The following PGCKA1 variants were observed in gnomAD, a reference collection of about 807,000 sequenced individuals.
PGCKA1 encodes the protein PDCD10 and GCKIII kinases associated 1, also known as PDCD10 and GCKIII kinases-associated protein 1.
the PGCKA1 span, among the ~76,000 whole-genome samples, chr4:37,535,833 G>T: frequency 6.6e-6 from 1 of 152,118 alleles, no homozygotes; most frequent in African/African-American, 2.4e-5. Context: ...GTGTTTCCTG[G>T]GCCTTTGGGC....
At chr4:37,481,347 C>A in the PGCKA1 span, among the ~76,000 whole-genome samples, 1 of 151,768 alleles carries the variant, frequency 6.6e-6, no homozygotes, top group African/African-American at 2.4e-5. Context: ...CACCTGTAGT[C>A]CCAGCTACTT....
At chr4:37,463,942 C>A in the PGCKA1 span, among the ~76,000 whole-genome samples, 1 of 151,988 alleles carries the variant, frequency 6.6e-6, no homozygotes, top group African/African-American at 2.4e-5. Context: ...CTCAAGAATC[C>A]ACGGCTGGAG....
chr4:37,590,412 CA>C, the PGCKA1 span: 10 of 1,613,384 alleles, frequency 6.2e-6, no homozygotes, highest in Non-Finnish European at 7.6e-6. Flanking sequence ...CCCAGGATGA[CA>C]GGGGCTCCTG....
At chr4:37,592,314 G>A in the PGCKA1 span, among the ~76,000 whole-genome samples, 2 of 138,734 alleles carry the variant, frequency 1.4e-5, no homozygotes, top group African/African-American at 2.7e-5. Context: ...CCAGGAATTC[G>A]AGACCAACCT....
At chr4:37,524,488 A>G in the PGCKA1 span, among the ~76,000 whole-genome samples, 11 of 152,208 alleles carry the variant, frequency 7.2e-5, no homozygotes, top group Non-Finnish European at 1.6e-4. Flanking sequence ...GGCTTCCCCC[A>G]GGGGGAGCAA....
chr4:37,576,836 A>G, the PGCKA1 span, among the ~76,000 whole-genome samples: 4 of 152,022 alleles, frequency 2.6e-5, no homozygotes, highest in East Asian at 3.9e-4. Context: ...TGAAATGATC[A>G]TATGGTTTTT....
chr4:37,464,412 G>C, the PGCKA1 span, among the ~76,000 whole-genome samples: 2 of 152,162 alleles, frequency 1.3e-5, no homozygotes, highest in African/African-American at 4.8e-5. Flanking sequence ...CTGGATTTCA[G>C]TTTTCTCATC....
chr4:37,580,366 GAAC>G, the PGCKA1 span, among the ~76,000 whole-genome samples: 1 of 139,568 alleles, frequency 7.2e-6, no homozygotes, highest in Admixed American at 7.5e-5. Context: ...TCTGGGCATT[GAAC>G]AATTAGGTAT....
the PGCKA1 span, among the ~76,000 whole-genome samples, chr4:37,517,883 A>G: frequency 6.6e-6 from 1 of 152,268 alleles, no homozygotes; most frequent in African/African-American, 2.4e-5. Context: ...ACCCATTAAC[A>G]ATCCCCATCT....
At chr4:37,474,909 G>A in the PGCKA1 span, among the ~76,000 whole-genome samples, 1 of 152,118 alleles carries the variant, frequency 6.6e-6, no homozygotes, top group Non-Finnish European at 1.5e-5. Context: ...TGGCATGTAT[G>A]CAAAAACTCA....
the PGCKA1 span, among the ~76,000 whole-genome samples, chr4:37,530,389 T>G: frequency 6.6e-6 from 1 of 151,870 alleles, no homozygotes; most frequent in South Asian, 2.1e-4. Flanking sequence ...CTGGCCAACA[T>G]GGTGAAACCC....
the PGCKA1 span, among the ~76,000 whole-genome samples, chr4:37,516,185 AGG>A: frequency 1.0e-3 from 158 of 152,364 alleles, 1 homozygote; most frequent in African/African-American, 3.3e-3. Context: ...TAAAGGCTAA[AGG>A]AAGAGTGATC....
the PGCKA1 span, among the ~76,000 whole-genome samples, chr4:37,535,783 T>C: frequency 1.3e-5 from 2 of 152,214 alleles, no homozygotes; most frequent in East Asian, 3.8e-4. Flanking sequence ...GCGATGTTGC[T>C]GGGTCCACAG....
the PGCKA1 span, among the ~76,000 whole-genome samples, chr4:37,502,230 C>T: frequency 6.6e-6 from 1 of 152,188 alleles, no homozygotes; most frequent in East Asian, 1.9e-4. Context: ...GGCAGTGCAA[C>T]GGGGTGCATG....
the PGCKA1 span, among the ~76,000 whole-genome samples, chr4:37,506,590 C>CT: frequency 0.1 from 14,250 of 139,192 alleles, 1,428 homozygotes; most frequent in African/African-American, 0.26. Context: ...TCCAAAATTA[C>CT]TTTTTTTTTT....
At chr4:37,554,023 T>A in the PGCKA1 span, among the ~76,000 whole-genome samples, 1 of 152,218 alleles carries the variant, frequency 6.6e-6, no homozygotes, top group Non-Finnish European at 1.5e-5. Flanking sequence ...GAATTGTAGC[T>A]ACCATAATCC....
At chr4:37,510,226 A>G in the PGCKA1 span, among the ~76,000 whole-genome samples, 1 of 151,732 alleles carries the variant, frequency 6.6e-6, no homozygotes, top group African/African-American at 2.4e-5. Context: ...TTCCTTATCT[A>G]GTTTGGTGAG....
the PGCKA1 span, among the ~76,000 whole-genome samples, chr4:37,519,443 C>T: frequency 5.9e-5 from 9 of 152,014 alleles, no homozygotes; most frequent in Admixed American, 5.2e-4. Flanking sequence ...ATTTCTTTCA[C>T]CAATGTTTTA....
chr4:37,471,688 GTTTAAATGA>G, the PGCKA1 span, among the ~76,000 whole-genome samples: 1 of 152,132 alleles, frequency 6.6e-6, no homozygotes, highest in African/African-American at 2.4e-5. Context: ...ATGGGATCCT[GTTTAAATGA>G]TTTAAATGGG....
Sources: gnomAD v4.1 joint callset for allele counts (sites outside exome capture counted in the v4.1 genomes callset) on GRCh38, gnomAD v4.1.1 for gene constraint, MANE v1.5 for transcripts, NCBI Gene and HGNC (gene_info 2026-07-23, HGNC 2026-07-21) for gene names.